EDIL3: variants seen among roughly 807,000 people sequenced by gnomAD.
EDIL3 encodes EGF like and discoidin domains 3, also known as EGF-like repeat and discoidin I-like domain-containing protein 3.
Under a neutral mutation model 67.4 loss-of-function variants are expected in EDIL3, and 37 were observed. That is an observed-to-expected ratio of 0.55 (90% CI 0.42 to 0.72). The LOEUF is 0.72. Among genes scored for constraint, EDIL3 ranks in the 30% least tolerant of loss-of-function variants. EDIL3 has a pLI of 0.00. For missense variants in EDIL3, 527 were observed against 586.3 expected (o/e 0.90, Z 1.04); for synonymous variants, 195 against 196.3 (o/e 0.99, Z 0.05).
rs375154041 is a variant in EDIL3 at position 84,060,253 on chromosome 5, T to C, written c.1137+47A>G. On this transcript the variant is annotated intron_variant, in intron 9 of 10. Transcript: ENST00000296591. ...CTCACCTAATCAACAGGAAATCTTC[T>C]AAGAAAGAGGAACAGTGGGTAGTGA... is the stretch of plus-strand genomic sequence containing the variant. 5.0e-5 allele frequency: 80 copies of C among 1,593,478 alleles called. No individual in the cohort carries two copies. The African/African-American group carries it at 9.7e-4, about 19-fold the overall frequency.
At chr5:84,267,319 C>A (rs1381878748) in intron 1 of EDIL3, among the ~76,000 whole-genome samples, 4 of 152,184 alleles carry the variant, frequency 2.6e-5, no homozygotes, top group African/African-American at 9.7e-5. Flanking sequence ...ATGTGATCTT[C>A]CTTTTGTGAA....
At chr5:84,321,463 T>C (rs537268609) in intron 1 of EDIL3, among the ~76,000 whole-genome samples, 1 of 152,236 alleles carries the variant, frequency 6.6e-6, no homozygotes, top group African/African-American at 2.4e-5. Context: ...ACAAATGCAC[T>C]CTCAGAATGT....
chr5:84,035,748 G>C (rs2112207756), intron 9 of EDIL3, among the ~76,000 whole-genome samples: 1 of 152,170 alleles, frequency 6.6e-6, no homozygotes, highest in East Asian at 1.9e-4. Flanking sequence ...CCTACTTGTA[G>C]ACACAACTAA....
intron 9 of EDIL3, among the ~76,000 whole-genome samples, chr5:84,052,033 G>A (rs1233834505): frequency 6.6e-6 from 1 of 152,130 alleles, no homozygotes; most frequent in Non-Finnish European, 1.5e-5. Flanking sequence ...TGAAATGAAG[G>A]AAAAAACGTT....
chr5:84,301,720 A>T lies in EDIL3; in HGVS notation c.68-47508T>A, dbSNP rs949977522. Among the ~76,000 whole-genome samples the T allele has an allele frequency of 3.3e-5, 5 of 152,374 alleles. No individual in the cohort carries two copies. In the Middle Eastern group the frequency reaches 0.01, roughly 311 times the overall value. On this transcript the variant is annotated intron_variant, in intron 1 of 10. Transcript: ENST00000296591. ...CATTAATCAAATAAATTTAAAAAAC[A>T]AGATTCAAGCACTTCTGTTTGTGAT...
At chr5:84,240,564 A>T in intron 2 of EDIL3, among the ~76,000 whole-genome samples, 1 of 152,150 alleles carries the variant, frequency 6.6e-6, no homozygotes, top group Non-Finnish European at 1.5e-5. Flanking sequence ...TCATAGGAGC[A>T]GGAACCCTAT....
intron 6 of EDIL3, among the ~76,000 whole-genome samples, chr5:84,080,794 C>CTTGT (rs1746952396): frequency 6.6e-6 from 1 of 152,098 alleles, no homozygotes; most frequent in Admixed American, 6.5e-5. Context: ...TTATAAATTT[C>CTTGT]TTGACGTAGT....
intron 4 of EDIL3, among the ~76,000 whole-genome samples, chr5:84,176,191 TATATATAATATATATATA>T (rs1442727477): frequency 7.1e-4 from 20 of 28,250 alleles, no homozygotes; most frequent in Admixed American, 2.6e-3. Context: ...AATATATATA[TATATATAATATATATATA>T]TATATATATA....
intron 1 of EDIL3, among the ~76,000 whole-genome samples, chr5:84,309,492 C>G (rs868039613): frequency 9.0e-4 from 137 of 151,930 alleles, no homozygotes; most frequent in African/African-American, 3.0e-3. Context: ...TCCCTTCCCC[C>G]GTCCCCCCAC....
chr5:83,987,867 A>ATG (rs1170164587), intron 9 of EDIL3, among the ~76,000 whole-genome samples: 29 of 66,202 alleles, frequency 4.4e-4, no homozygotes, highest in Admixed American at 7.4e-4. Flanking sequence ...GTGTGTGTGT[A>ATG]TGTATATATA....
At position 84,297,912 on chromosome 5, in the gene EDIL3, A is replaced by G. The variant is rs886296374; in HGVS notation, c.68-43700T>C. On this transcript the variant is annotated intron_variant, in intron 1 of 10. Coordinates refer to ENST00000296591, the MANE Select transcript of EDIL3 (RefSeq NM_005711.5). ...CTGGATTCTATCCAAGCCACTACAG[A>G]TTTTATGCCCTGGGCTTAGATTATG... Among the ~76,000 whole-genome samples, 12 of 152,080 alleles carry G rather than the reference A, an allele frequency of 7.9e-5. No individual in the cohort carries two copies. The East Asian group carries it at 2.1e-3, about 27-fold the overall frequency.
At chr5:83,997,321 A>C (rs1428409297) in intron 9 of EDIL3, among the ~76,000 whole-genome samples, 1 of 152,216 alleles carries the variant, frequency 6.6e-6, no homozygotes, top group Non-Finnish European at 1.5e-5. Context: ...ATGATGAACT[A>C]AACTAGATAG....
intron 3 of EDIL3, among the ~76,000 whole-genome samples, chr5:84,208,375 G>T (rs1455683155): frequency 6.6e-6 from 1 of 152,012 alleles, no homozygotes; most frequent in Non-Finnish European, 1.5e-5. Flanking sequence ...TTACAATGGC[G>T]ATCATTAAAA....
chr5:84,066,399 T>C (rs1367361277), intron 7 of EDIL3, 52 bp downstream of exon 7: 2 of 1,520,926 alleles, frequency 1.3e-6, no homozygotes, highest in Non-Finnish European at 1.8e-6. Flanking sequence ...TGATAATCAA[T>C]AATTATCAAT....
At chr5:83,966,690 C>T (rs1223102092) in intron 9 of EDIL3, among the ~76,000 whole-genome samples, 3 of 151,890 alleles carry the variant, frequency 2.0e-5, no homozygotes, top group Non-Finnish European at 4.4e-5. Flanking sequence ...TCTCATAGGA[C>T]TTTATGAGAA....
intron 9 of EDIL3, among the ~76,000 whole-genome samples, chr5:83,970,312 A>T (rs1250124165): frequency 4.3e-5 from 6 of 138,518 alleles, no homozygotes; most frequent in African/African-American, 1.7e-4. Context: ...TCTATTACCT[A>T]TTGGATTAGA....
chr5:83,993,616 T>C (rs1314935661), intron 9 of EDIL3, among the ~76,000 whole-genome samples: 1 of 152,194 alleles, frequency 6.6e-6, no homozygotes, highest in South Asian at 2.1e-4. Flanking sequence ...AATAGAATTT[T>C]AGAGAATAGC....
chr5:84,192,739 T>G (rs1743618796), intron 3 of EDIL3, among the ~76,000 whole-genome samples: 1 of 151,992 alleles, frequency 6.6e-6, no homozygotes, highest in Non-Finnish European at 1.5e-5. Flanking sequence ...CTTCTAATCT[T>G]GTGAAACGTC....
At chr5:84,093,199 G>A (rs200842556) in intron 6 of EDIL3, among the ~76,000 whole-genome samples, 1 of 128,312 alleles carries the variant, frequency 7.8e-6, no homozygotes, top group African/African-American at 3.0e-5. Context: ...TTTTTTTTTT[G>A]TTCAGTATTC....
Sources: allele counts gnomAD v4.1 joint callset (sites outside exome capture counted in the v4.1 genomes callset), GRCh38; gene constraint gnomAD v4.1.1; transcripts MANE v1.5; gene names NCBI Gene and HGNC (gene_info 2026-07-23, HGNC 2026-07-21).